The following SRRM3 variants were observed in gnomAD, a reference collection of about 807,000 sequenced individuals.
The protein encoded by SRRM3 is serine/arginine repetitive matrix 3, also known as serine/arginine repetitive matrix protein 3.
In SRRM3, 27 loss-of-function variants were observed where a neutral mutation model predicts 66.2. The ratio of observed to expected loss-of-function variants is 0.41; its 90% CI spans 0.30 to 0.56. SRRM3 has a LOEUF of 0.56. Among genes scored for constraint, SRRM3 ranks in the 20% least tolerant of loss-of-function variants. The pLI, the probability that SRRM3 is intolerant of heterozygous loss-of-function variation, is 0.32. For synonymous variants in SRRM3, 391 were observed against 414.9 expected (o/e 0.94, Z 0.70); for missense variants, 918 against 991.9 (o/e 0.93, Z 1.00).
intron 14 of SRRM3, among the ~76,000 whole-genome samples, chr7:76,284,870 T>TGGACC (rs1554612525): frequency 6.6e-6 from 1 of 152,188 alleles, no homozygotes; most frequent in East Asian, 1.9e-4. Flanking sequence ...CCGGCGGGAC[T>TGGACC]GGACCGGACC....
chr7:76,244,111 G>C (rs1801377992), intron 2 of SRRM3, among the ~76,000 whole-genome samples: 2 of 152,124 alleles, frequency 1.3e-5, no homozygotes, highest in Non-Finnish European at 2.9e-5. Flanking sequence ...TGGGGGGTTA[G>C]AAGAAAAGCC....
chr7:76,259,115 G>T (rs1554608169), intron 3 of SRRM3, among the ~76,000 whole-genome samples: 3 of 150,958 alleles, frequency 2.0e-5, no homozygotes, highest in African/African-American at 7.3e-5. Flanking sequence ...AGAAATTAGG[G>T]TTCAGTGAGA....
In SRRM3 at chr7:76,235,287, TGGA is replaced by T; in HGVS notation, c.226_228del (p.Glu76del). On this transcript the variant is annotated inframe_deletion, in exon 2 of 15. Coordinates refer to ENST00000611745, the MANE Select transcript of SRRM3 (RefSeq NM_001110199.3). ...AAGTGCATGGAGCTGCAGGAGATGA[TGGA>T]GGAGCAGGGGTGAGCAGGCCGCGGG... is the stretch of plus-strand genomic sequence containing the variant. 6.6e-7 allele frequency: 1 copy of T among 1,517,076 alleles called. No individual in the cohort carries two copies. Among genetic ancestry groups the T allele is most frequent in the South Asian group, 1.2e-5 (1 of 82,358 alleles). 94.0% of individuals were successfully genotyped at this position (1,517,076 alleles called of 1,614,324 possible).
At chr7:76,222,683 G>A (rs375079331) in intron 1 of SRRM3, among the ~76,000 whole-genome samples, 2 of 151,964 alleles carry the variant, frequency 1.3e-5, no homozygotes, top group African/African-American at 2.4e-5. Context: ...GTGCAGTGGC[G>A]TGATCTTGAC....
chr7:76,264,660 A>T, intron 8 of SRRM3, 105 bp from the exon 9 acceptor site: 1 of 1,214,692 alleles, frequency 8.2e-7, no homozygotes, highest in South Asian at 1.3e-5. Flanking sequence ...TAGGCCCTAG[A>T]GTGGAACAAA....
chr7:76,267,187 A>AGGAGGCGCAACTGCTTGCAAAGC, intron 10 of SRRM3, 71 bp from the exon 11 acceptor site: 1 of 1,349,206 alleles, frequency 7.4e-7, no homozygotes, highest in Non-Finnish European at 9.7e-7. Context: ...AGGGGGAAAG[A>AGGAGGCGCAACTGCTTGCAAAGC]GGAGGCGCAA....
At chr7:76,204,525 T>C (rs1231369481) in intron 1 of SRRM3, among the ~76,000 whole-genome samples, 1 of 152,114 alleles carries the variant, frequency 6.6e-6, no homozygotes, top group African/African-American at 2.4e-5. Context: ...CCCCACTGCC[T>C]CAGGACCCCA....
intron 3 of SRRM3, among the ~76,000 whole-genome samples, chr7:76,253,869 T>C (rs1801642844): frequency 1.3e-5 from 2 of 151,014 alleles, no homozygotes; most frequent in Admixed American, 1.3e-4. Flanking sequence ...AGTCTAGGAT[T>C]CTAACCCTGG....
chr7:76,267,365 G>A lies in SRRM3; in HGVS notation c.938G>A (p.Arg313Gln), dbSNP rs1377994184. Residue 313 changes from arginine (R) to glutamine (Q), a missense_variant, in exon 11 of 15, where the codon CGG (arginine) becomes CAG (glutamine). Coordinates refer to ENST00000611745, the MANE Select transcript of SRRM3 (RefSeq NM_001110199.3). Reference protein sequence around the residue: ...SGGSGWGSPQRNGGSGQRSGA... With the variant: ...SGGSGWGSPQQNGGSGQRSGA... ...GGCAGCGGATGGGGGTCGCCCCAGC[G>A]GAACGGCGGCAGCGGGCAGCGGAGC... 6 of 1,476,378 alleles carry A rather than the reference G, an allele frequency of 4.1e-6. No homozygotes were observed. Among genetic ancestry groups the A allele is most frequent in the South Asian group, 1.3e-5 (1 of 75,178 alleles). 91.5% of individuals were successfully genotyped at this position (1,476,378 alleles called of 1,614,324 possible).
At chr7:76,275,757 C>A (rs1296845239) in intron 11 of SRRM3, among the ~76,000 whole-genome samples, 3 of 152,092 alleles carry the variant, frequency 2.0e-5, no homozygotes, top group African/African-American at 7.2e-5. Flanking sequence ...CTTCCACCAT[C>A]TTTTCCACTT....
At chr7:76,266,232 A>ATATT (rs1554609585) in intron 10 of SRRM3, among the ~76,000 whole-genome samples, 1 of 74,992 alleles carries the variant, frequency 1.3e-5, no homozygotes, top group African/African-American at 1.0e-4. Flanking sequence ...TTATATATTT[A>ATATT]ATATATATAA....
intron 3 of SRRM3, among the ~76,000 whole-genome samples, chr7:76,255,376 C>T (rs936812963): frequency 1.3e-5 from 2 of 151,804 alleles, no homozygotes; most frequent in Non-Finnish European, 2.9e-5. Context: ...CTCGAACTCC[C>T]GACCTCAGGT....
At chr7:76,275,479 A>G (rs1332261139) in intron 11 of SRRM3, among the ~76,000 whole-genome samples, 1 of 147,594 alleles carries the variant, frequency 6.8e-6, no homozygotes, top group Non-Finnish European at 1.5e-5. Flanking sequence ...ACAGAGCGAG[A>G]CTCAGTCCCT....
intron 1 of SRRM3, among the ~76,000 whole-genome samples, chr7:76,217,802 T>C (rs1800607655): frequency 6.6e-6 from 1 of 152,182 alleles, no homozygotes; most frequent in South Asian, 2.1e-4. Flanking sequence ...TTGCATTTTC[T>C]CCCAGCAGAA....
intron 1 of SRRM3, among the ~76,000 whole-genome samples, chr7:76,212,021 T>A (rs909874813): frequency 7.3e-5 from 11 of 151,274 alleles, no homozygotes; most frequent in African/African-American, 2.7e-4. Context: ...TTAAAATGTT[T>A]TTTGTAGAGA....
chr7:76,266,231 T>TAA (rs1293477745), intron 10 of SRRM3, among the ~76,000 whole-genome samples: 1 of 77,968 alleles, frequency 1.3e-5, no homozygotes, highest in African/African-American at 7.9e-5. Context: ...TTTATATATT[T>TAA]AATATATATA....
intron 7 of SRRM3, 55 bp from the exon 8 acceptor site, chr7:76,261,491 G>A: frequency 6.2e-7 from 1 of 1,602,288 alleles, no homozygotes; most frequent in Non-Finnish European, 8.5e-7. Context: ...CCCTCCATAG[G>A]TCTCCCCTGG....
At chr7:76,236,005 CAAAAAAAAAAAAA>C (rs1161706465) in intron 2 of SRRM3, among the ~76,000 whole-genome samples, 2 of 20,284 alleles carry the variant, frequency 9.9e-5, no homozygotes, top group African/African-American at 3.2e-4. Flanking sequence ...GATTCTGTCT[CAAAAAAAAAAAAA>C]AAAAAAAAAA....
chr7:76,235,370 T>G, intron 2 of SRRM3, 71 bp downstream of exon 2: 1 of 1,262,328 alleles, frequency 7.9e-7, no homozygotes, highest in South Asian at 1.6e-5. Context: ...CGAGTGATGC[T>G]GCACGTGGGC....
Sources: allele counts gnomAD v4.1 joint callset (sites outside exome capture counted in the v4.1 genomes callset), GRCh38; gene constraint gnomAD v4.1.1; transcripts MANE v1.5; gene names NCBI Gene and HGNC (gene_info 2026-07-23, HGNC 2026-07-21).